The following ELMOD3 variants were observed in gnomAD, a reference collection of about 807,000 sequenced individuals.
The protein encoded by ELMOD3 is ELMO domain containing 3.
In ELMOD3, 36 loss-of-function variants were observed where a neutral mutation model predicts 47.4. The observed-to-expected ratio is 0.76, with a 90% confidence interval of 0.58 to 1.00. The LOEUF is 1.00. ELMOD3 is among the 50% of genes least tolerant of loss of function. The pLI is 0.00. For synonymous variants in ELMOD3, 149 were observed against 183.5 expected (o/e 0.81, Z 1.52); for missense variants, 404 against 463.8 (o/e 0.87, Z 1.18).
intron 11 of ELMOD3, among the ~76,000 whole-genome samples, chr2:85,386,906 G>A (rs552832641): frequency 6.6e-6 from 1 of 152,294 alleles, no homozygotes; most frequent in South Asian, 2.1e-4. Context: ...GGGAGGCTAA[G>A]GCAGGAGAAT....
intron 11 of ELMOD3, among the ~76,000 whole-genome samples, chr2:85,385,792 G>A (rs985644902): frequency 6.6e-6 from 1 of 151,790 alleles, no homozygotes; most frequent in Non-Finnish European, 1.5e-5. Flanking sequence ...TTTTTTAATG[G>A]ATCCTACCAG....
intron 8 of ELMOD3, 59 bp from the exon 9 acceptor site, chr2:85,371,027 G>C: frequency 6.3e-7 from 1 of 1,580,988 alleles, no homozygotes; most frequent in Non-Finnish European, 8.6e-7. Context: ...AGCCTGATGG[G>C]AAGTTGATTA....
chr2:85,387,028 A>T (rs1380505125), intron 11 of ELMOD3: 20 of 1,265,384 alleles, frequency 1.6e-5, no homozygotes, highest in Non-Finnish European at 2.1e-5. Context: ...CTGAGAATGG[A>T]TGAACACTAA....
chr2:85,364,825 A>ATATATATATATATATATTTT (rs375582916), intron 6 of ELMOD3, among the ~76,000 whole-genome samples: 1 of 69,892 alleles, frequency 1.4e-5, no homozygotes, highest in African/African-American at 6.7e-5. Context: ...ATATATATAT[A>ATATATATATATATATATTTT]TTTTTTTTTT....
chr2:85,380,734 A>G (rs1685483799), intron 11 of ELMOD3, among the ~76,000 whole-genome samples: 1 of 152,196 alleles, frequency 6.6e-6, no homozygotes, highest in Non-Finnish European at 1.5e-5. Context: ...CATGTTGGCC[A>G]GGCTGGTCTT....
chr2:85,385,125 C>A (rs1243163691), intron 11 of ELMOD3, among the ~76,000 whole-genome samples: 1 of 152,020 alleles, frequency 6.6e-6, no homozygotes, highest in Non-Finnish European at 1.5e-5. Flanking sequence ...GGAATGTTAG[C>A]CAAGCTGATA....
chr2:85,390,447 C>G, intron 13 of ELMOD3, 182 bp downstream of exon 13: 1 of 1,614,164 alleles, frequency 6.2e-7, no homozygotes. Context: ...CTTTCTCTGC[C>G]CTGACTGTCG....
chr2:85,360,826 G>T, intron 4 of ELMOD3: 1 of 273,428 alleles, frequency 3.7e-6, no homozygotes. Flanking sequence ...TTCTTTCACT[G>T]GTAGAATTAC....
At chr2:85,366,332 GT>G (rs1159837211) in intron 6 of ELMOD3, among the ~76,000 whole-genome samples, 2 of 152,044 alleles carry the variant, frequency 1.3e-5, no homozygotes, top group Non-Finnish European at 2.9e-5. Context: ...CTGAAAGTAA[GT>G]TTTATTTTCT....
intron 13 of ELMOD3, chr2:85,390,537 C>T: frequency 2.5e-6 from 4 of 1,578,142 alleles, no homozygotes; most frequent in Non-Finnish European, 3.4e-6. Flanking sequence ...TTGGACTATT[C>T]AAAGTTGCAA....
intron 4 of ELMOD3, among the ~76,000 whole-genome samples, chr2:85,357,879 T>G (rs2104470676): frequency 6.6e-6 from 1 of 152,308 alleles, no homozygotes; most frequent in Admixed American, 6.5e-5. Context: ...TGCAGGAAGT[T>G]GTTCAGCACA....
intron 7 of ELMOD3, among the ~76,000 whole-genome samples, chr2:85,369,430 G>A (rs6716601): frequency 0.25 from 38,162 of 152,116 alleles, 4,928 homozygotes; most frequent in East Asian, 0.36. Flanking sequence ...CTCTTATGTG[G>A]GTACCCACCC....
chr2:85,388,279 C>G (rs1048804879), intron 11 of ELMOD3, among the ~76,000 whole-genome samples: 1 of 152,092 alleles, frequency 6.6e-6, no homozygotes, highest in African/African-American at 2.4e-5. Flanking sequence ...CTGGGCCCAG[C>G]CAGCAAAAAC....
rs762203882 is a variant in ELMOD3 at position 85,371,139 on chromosome 2, C to A, written c.414C>A (p.Tyr138Ter). Residue 138 changes from tyrosine to a stop codon, truncating the protein, a stop_gained, in exon 9 of 14, where the codon TAC (tyrosine) becomes TAA (stop). Transcript: ENST00000409013. LOFTEE classifies it high-confidence loss of function. ...RRTGLAALRH[Y>*]LFGPPKLHQR... The stretch of plus-strand genomic sequence containing the variant: ...CTGGGCTCGCCGCCCTCCGACACTA[C>A]CTCTTCGGGCCTCCAAAGCTCCACC... 5.0e-6 allele frequency: 8 copies of A among 1,614,242 alleles called. No individual in the cohort carries two copies. The highest frequency in any genetic ancestry group is 5.1e-6 in the Non-Finnish European group (6 of 1,180,026).
intron 6 of ELMOD3, among the ~76,000 whole-genome samples, chr2:85,363,423 T>G (rs1386499287): frequency 6.6e-6 from 1 of 152,190 alleles, no homozygotes; most frequent in Non-Finnish European, 1.5e-5. Context: ...TCCCTTATCC[T>G]CAAAGGGATG....
chr2:85,380,999 G>A (rs950735341), intron 11 of ELMOD3, among the ~76,000 whole-genome samples: 2 of 152,164 alleles, frequency 1.3e-5, no homozygotes, highest in African/African-American at 4.8e-5. Context: ...TACTGATAAT[G>A]TACACTAAGT....
chr2:85,368,581 TAAA>T (rs898923797), intron 6 of ELMOD3, 102 bp from the exon 7 acceptor site: 5 of 908,120 alleles, frequency 5.5e-6, no homozygotes, highest in South Asian at 1.8e-5. Flanking sequence ...CCCCATCTCT[TAAA>T]AAAAAAAATA....
At chr2:85,363,284 G>A (rs947848781) in intron 6 of ELMOD3, 118 bp downstream of exon 6, 2 of 653,114 alleles carry the variant, frequency 3.1e-6, no homozygotes, top group African/African-American at 1.8e-5. Flanking sequence ...TTTTGTAGAT[G>A]TATCAGTCCT....
chr2:85,371,653 G>C (rs910407190), intron 10 of ELMOD3, 91 bp downstream of exon 10: 3 of 1,548,622 alleles, frequency 1.9e-6, no homozygotes, highest in East Asian at 2.3e-5. Flanking sequence ...AGTGCTATGA[G>C]GGGGAAGATC....
Sources: allele counts gnomAD v4.1 joint callset (sites outside exome capture counted in the v4.1 genomes callset), GRCh38; gene constraint gnomAD v4.1.1; transcripts MANE v1.5; gene names NCBI Gene and HGNC (gene_info 2026-07-23, HGNC 2026-07-21).